The following DDX17 variants were observed in gnomAD, a reference collection of about 807,000 sequenced individuals.
The protein encoded by DDX17 is probable ATP-dependent RNA helicase DDX17.
In DDX17, 10 loss-of-function variants were observed where a neutral mutation model predicts 80.8. That is an observed-to-expected ratio of 0.12 (90% CI 0.08 to 0.21). DDX17 has a LOEUF of 0.21. Among genes scored for constraint, DDX17 ranks in the 10% least tolerant of loss-of-function variants. The probability of loss-of-function intolerance (pLI) is 1.00; values close to 1 mark genes in which losing one functional copy is unlikely to be tolerated. For synonymous variants in DDX17, 339 were observed against 336.2 expected (o/e 1.01, Z -0.09); for missense variants, 586 against 957.4 (o/e 0.61, Z 5.12).
At chr22:38,500,817 C>CAAAAAAAAAAAAAAAAAAAAA (rs138453) in intron 2 of DDX17, among the ~76,000 whole-genome samples, 4 of 54,182 alleles carry the variant, frequency 7.4e-5, no homozygotes, top group African/African-American at 2.7e-4. Context: ...AACTCCGTCT[C>CAAAAAAAAAAAAAAAAAAAAA]AAAAAAAAAA....
intron 6 of DDX17, 99 bp downstream of exon 6, chr22:38,495,697 T>C (rs984778457): frequency 5.1e-6 from 5 of 971,406 alleles, no homozygotes; most frequent in Admixed American, 2.8e-5. Flanking sequence ...GCTGAAATTC[T>C]GAGTTTATCA....
intron 5 of DDX17, 112 bp from the exon 6 acceptor site, chr22:38,496,049 G>T (rs1264614562): frequency 2.0e-6 from 2 of 1,014,408 alleles, no homozygotes; most frequent in Non-Finnish European, 2.7e-6. Flanking sequence ...GTCTAATCTA[G>T]CACATTAAAA....
At chr22:38,498,717 C>G (rs572360909) in intron 3 of DDX17, 144 bp from the exon 4 acceptor site, 2 of 835,878 alleles carry the variant, frequency 2.4e-6, no homozygotes, top group Admixed American at 2.6e-5. Context: ...ACTAGATCTC[C>G]GACCAACTCA....
At chr22:38,495,077 C>CG in intron 6 of DDX17, 31 bp from the exon 7 acceptor site, 1 of 1,597,862 alleles carries the variant, frequency 6.3e-7, no homozygotes, top group Non-Finnish European at 8.5e-7. Flanking sequence ...TCGAGCCAAT[C>CG]GACTAGGTGC....
chr22:38,499,778 T>G (rs2089808688), intron 2 of DDX17, among the ~76,000 whole-genome samples: 1 of 152,178 alleles, frequency 6.6e-6, no homozygotes, highest in Non-Finnish European at 1.5e-5. Context: ...AAAGTGGAAC[T>G]TGGACCCAAG....
intron 8 of DDX17, 48 bp downstream of exon 8, chr22:38,494,582 G>A (rs776306722): frequency 6.3e-7 from 1 of 1,579,334 alleles, no homozygotes; most frequent in South Asian, 1.1e-5. Context: ...AGGGTTATTA[G>A]AAAAGGTTTA....
intron 4 of DDX17, 135 bp downstream of exon 4, chr22:38,498,305 C>T (rs2089790669): frequency 7.1e-7 from 1 of 1,412,584 alleles, no homozygotes; most frequent in Admixed American, 2.3e-5. Context: ...ACATAAAATG[C>T]TTCCATATAT....
At position 38,488,101 on chromosome 22, in the gene DDX17, T is replaced by TTTC; in HGVS notation, c.1461_1462insGAA (p.Val487_Lys488insGlu). Reference sequence around the variant, plus strand: ...GGATAGTCATAGTTGATCACAAACTTGACATCTTCCACATCTTCCACGTCA... The same window carrying TTTC: ...GGATAGTCATAGTTGATCACAAACTTTTCGACATCTTCCACATCTTCCACGTCA... On this transcript the variant is annotated inframe_insertion, in exon 12 of 13. Transcript: ENST00000403230. The TTTC allele has an allele frequency of 6.2e-7, 1 of 1,614,172 alleles. No individual in the cohort carries two copies. The highest frequency in any genetic ancestry group is 8.5e-7 in the Non-Finnish European group (1 of 1,180,050).
At chr22:38,494,245 A>C (rs530218784) in intron 8 of DDX17, 114 bp from the exon 9 acceptor site, 1 of 727,518 alleles carries the variant, frequency 1.4e-6, no homozygotes, top group East Asian at 2.7e-5. Context: ...TACGCTTTTA[A>C]AATTTTTAAT....
chr22:38,492,231 G>C, intron 10 of DDX17, 116 bp from the exon 11 acceptor site: 1 of 723,350 alleles, frequency 1.4e-6, no homozygotes, highest in Non-Finnish European at 2.2e-6. Flanking sequence ...CTCTTGTAAT[G>C]ACTGACAGTG....
chr22:38,489,878 C>T lies in DDX17; in HGVS notation c.1448-1763G>A. On this transcript the variant is annotated intron_variant, in intron 11 of 12. Transcript: ENST00000403230. The surrounding 1 kb of genome is among the most constrained non-coding windows in gnomAD (Gnocchi z 4.6). ...GGGGAATTCTACTCCATGGTATCTT[C>T]AGAGCTAGGATAATGCTCCTTATGC... 1.0e-6 allele frequency: 1 copy of T among 986,140 alleles called. No homozygotes were observed. 61.1% of individuals were successfully genotyped at this position (986,140 alleles called of 1,614,324 possible).
intron 6 of DDX17, among the ~76,000 whole-genome samples, chr22:38,495,315 G>A (rs112788494): frequency 2.1e-5 from 3 of 142,282 alleles, no homozygotes; most frequent in East Asian, 2.1e-4. Context: ...GCACGATCTC[G>A]GCTCACTGCA....
At chr22:38,488,296 T>G (rs2089681706) in intron 11 of DDX17, 181 bp from the exon 12 acceptor site, 1 of 1,496,198 alleles carries the variant, frequency 6.7e-7, no homozygotes, top group Non-Finnish European at 8.9e-7. Flanking sequence ...TAAAAGAGGA[T>G]TACTGATTCC....
intron 8 of DDX17, 143 bp from the exon 9 acceptor site, chr22:38,494,274 T>G: frequency 4.7e-6 from 3 of 635,590 alleles, no homozygotes; most frequent in Non-Finnish European, 8.1e-6. Context: ...GAGTACTGAG[T>G]CAGGTTCTGC....
intron 1 of DDX17, among the ~76,000 whole-genome samples, chr22:38,502,669 A>C (rs2145711280): frequency 6.6e-6 from 1 of 152,224 alleles, no homozygotes; most frequent in East Asian, 1.9e-4. Context: ...ATATTTAAGA[A>C]ATCAGAAGCT....
At chr22:38,491,665 C>A in intron 11 of DDX17, 1 of 172,274 alleles carries the variant, frequency 5.8e-6, no homozygotes, top group Non-Finnish European at 1.2e-5. Flanking sequence ...AAAAGAATAA[C>A]TGAAGAAACT....
Position 38,488,127 on chromosome 22 carries a change from A to G in DDX17, c.1448-12T>C, listed in dbSNP as rs760704226. 3.7e-6 allele frequency: 6 copies of G among 1,614,158 alleles called. No individual in the cohort carries two copies. In the South Asian group the frequency reaches 4.4e-5, roughly 12 times the overall value. ...GACATCTTCCACATCTTCCACGTCA[A>G]TGATGAGTCAGTGTGTAGGTTGATG... is the stretch of plus-strand genomic sequence containing the variant. On this transcript the variant is annotated splice_polypyrimidine_tract_variant and intron_variant, in intron 11 of 12. Coordinates refer to ENST00000403230, the MANE Select transcript of DDX17 (RefSeq NM_006386.5).
chr22:38,494,254 A>G (rs969659270), intron 8 of DDX17, 123 bp from the exon 9 acceptor site: 11 of 689,466 alleles, frequency 1.6e-5, no homozygotes, highest in African/African-American at 5.4e-5. Context: ...AAAATTTTTA[A>G]TAACTATTAG....
intron 2 of DDX17, 128 bp from the exon 3 acceptor site, chr22:38,499,627 AC>A (rs1262992859): frequency 1.6e-5 from 11 of 701,272 alleles, no homozygotes; most frequent in Non-Finnish European, 2.7e-5. Flanking sequence ...TTTACATGGT[AC>A]TTTCATGTGT....
Sources: gnomAD v4.1 joint callset for allele counts (sites outside exome capture counted in the v4.1 genomes callset) on GRCh38, gnomAD v4.1.1 for gene constraint, Gnocchi (gnomAD v3.1) non-coding constraint, MANE v1.5 for transcripts, NCBI Gene and HGNC (gene_info 2026-07-23, HGNC 2026-07-21) for gene names.